Variants in ATP2B2 observed in about 807,000 individuals in gnomAD.
The protein encoded by ATP2B2 is ATPase plasma membrane Ca2+ transporting 2, also known as plasma membrane calcium-transporting ATPase 2.
ATP2B2 carries 15 observed loss-of-function variants against 120.0 expected under a neutral mutation model. The observed-to-expected ratio is 0.12, with a 90% CI of 0.08 to 0.19. The LOEUF (loss-of-function observed/expected upper bound fraction) is 0.19. Among genes scored for constraint, ATP2B2 ranks in the 10% least tolerant of loss-of-function variants. The probability of loss-of-function intolerance (pLI) is 1.00; values close to 1 mark genes in which losing one functional copy is unlikely to be tolerated. For synonymous variants in ATP2B2, 694 were observed against 700.3 expected, an observed-to-expected ratio of 0.99 and a Z score of 0.14; for missense variants, 1,045 against 1,719.8, an observed-to-expected ratio of 0.61 and a Z score of 6.94.
intron 2 of ATP2B2, among the ~76,000 whole-genome samples, chr3:10,578,037 C>T (rs1256355596): frequency 6.6e-6 from 1 of 152,168 alleles, no homozygotes; most frequent in Non-Finnish European, 1.5e-5. Flanking sequence ...CTTCAGTAAC[C>T]CTGTGATCTA....
intron 16 of ATP2B2, 60 bp downstream of exon 16, chr3:10,350,052 G>A (rs1467580925): frequency 6.5e-7 from 1 of 1,542,876 alleles, no homozygotes; most frequent in Non-Finnish European, 8.9e-7. Context: ...CAGGAGAGGA[G>A]GGCCCAGCTT....
intron 2 of ATP2B2, among the ~76,000 whole-genome samples, chr3:10,447,766 C>T (rs538036988): frequency 5.3e-5 from 8 of 152,290 alleles, no homozygotes; most frequent in Non-Finnish European, 5.9e-5. Context: ...CATTTTACGG[C>T]CACAAGCAGC....
chr3:10,590,351 T>C (rs901782748), intron 2 of ATP2B2, among the ~76,000 whole-genome samples: 2 of 152,238 alleles, frequency 1.3e-5, no homozygotes, highest in Non-Finnish European at 2.9e-5. Flanking sequence ...GTGGTAGTTA[T>C]ACAACTGTAT....
Position 10,462,593 on chromosome 3 carries a change from A to G in ATP2B2, c.-319-12731T>C, listed in dbSNP as rs370296352. ...CCCCATGAGGTAGGTATTATTATGCATATTTTACAGATGAGGAGACTGAGG... is the reference window on the plus strand; with the variant it reads ...CCCCATGAGGTAGGTATTATTATGCGTATTTTACAGATGAGGAGACTGAGG... On this transcript the variant is annotated intron_variant, in intron 1 of 22. Coordinates refer to ENST00000360273, the MANE Select transcript of ATP2B2 (RefSeq NM_001001331.4). Among the ~76,000 whole-genome samples, 4 of 152,350 alleles carry G rather than the reference A, an allele frequency of 2.6e-5. 1 individual carries two copies. Among genetic ancestry groups the G allele is most frequent in the African/African-American group, 9.6e-5 (4 of 41,576 alleles).
intron 14 of ATP2B2, 142 bp downstream of exon 14, chr3:10,358,549 T>G: frequency 1.1e-6 from 1 of 870,420 alleles, no homozygotes; most frequent in Non-Finnish European, 1.8e-6. Flanking sequence ...AATCCTCTTA[T>G]GAGGATCAAG....
chr3:10,544,264 C>T (rs2067498285), intron 2 of ATP2B2, among the ~76,000 whole-genome samples: 1 of 152,118 alleles, frequency 6.6e-6, no homozygotes, highest in African/African-American at 2.4e-5. Flanking sequence ...GGTGCAAAAC[C>T]AGTGCCACTC....
chr3:10,488,511 CTTCCTTCCTTCCTTCCTTCT>C (rs2065813837), intron 1 of ATP2B2, among the ~76,000 whole-genome samples: 2 of 75,714 alleles, frequency 2.6e-5, no homozygotes, highest in African/African-American at 8.7e-5. Flanking sequence ...TCCTTCGTTC[CTTCCTTCCTTCCTTCCTTCT>C]TTCCTTCCTT....
intron 2 of ATP2B2, among the ~76,000 whole-genome samples, chr3:10,412,920 G>C (rs531826075): frequency 6.6e-6 from 1 of 152,264 alleles, no homozygotes; most frequent in East Asian, 1.9e-4. Context: ...GACAGATGGG[G>C]GTGGACAGGG....
At chr3:10,473,956 G>C (rs908229027) in intron 1 of ATP2B2, among the ~76,000 whole-genome samples, 36 of 152,336 alleles carry the variant, frequency 2.4e-4, no homozygotes, top group African/African-American at 8.2e-4. Flanking sequence ...TTAGGTGATA[G>C]ATTAACGTAC....
chr3:10,386,189 G>A (rs2061673337), intron 7 of ATP2B2, among the ~76,000 whole-genome samples: 1 of 152,182 alleles, frequency 6.6e-6, no homozygotes, highest in Non-Finnish European at 1.5e-5. Flanking sequence ...TGGTGAGCAA[G>A]CTTTGCATGC....
At chr3:10,575,121 C>A (rs541439536) in intron 2 of ATP2B2, among the ~76,000 whole-genome samples, 3 of 152,232 alleles carry the variant, frequency 2.0e-5, no homozygotes, top group South Asian at 4.1e-4. Flanking sequence ...CCTTTCCGCC[C>A]GGGGGAGAAA....
chr3:10,619,599 G>A (rs552136698), intron 2 of ATP2B2, among the ~76,000 whole-genome samples: 5 of 152,330 alleles, frequency 3.3e-5, no homozygotes, highest in East Asian at 1.9e-4. Context: ...GTGGCAATGC[G>A]TAGGCTCTGC....
At chr3:10,650,313 G>A (rs1157659296) in intron 1 of ATP2B2, among the ~76,000 whole-genome samples, 1 of 152,194 alleles carries the variant, frequency 6.6e-6, no homozygotes, top group Non-Finnish European at 1.5e-5. Context: ...GTGGCATTTT[G>A]CCCCTGCCCT....
chr3:10,402,459 G>A lies in ATP2B2; in HGVS notation c.398-111C>T. 2.0e-6 allele frequency: 3 copies of A among 1,492,308 alleles called. No individual in the cohort carries two copies. In the South Asian group the frequency reaches 3.4e-5, roughly 17 times the overall value. 92.4% of individuals were successfully genotyped at this position (1,492,308 alleles called of 1,614,324 possible). On this transcript the variant is annotated intron_variant, in intron 3 of 22. Coordinates refer to ENST00000360273, the MANE Select transcript of ATP2B2 (RefSeq NM_001001331.4). The surrounding 1 kb of genome is among the most constrained non-coding windows in gnomAD (Gnocchi z 4.9). Reference sequence around the variant, plus strand: ...AAGTAACAAGTGTTAAGAATCAGATGATAATTATCCACTTACTCAGTGTGT... The same window carrying A: ...AAGTAACAAGTGTTAAGAATCAGATAATAATTATCCACTTACTCAGTGTGT...
chr3:10,385,384 C>T (rs2061646379), intron 7 of ATP2B2, 57 bp from the exon 8 acceptor site: 23 of 1,501,160 alleles, frequency 1.5e-5, no homozygotes, highest in South Asian at 4.5e-5. Flanking sequence ...AAAGCAACAA[C>T]GACAAAGACA....
At position 10,653,305 on chromosome 3, in the gene ATP2B2, C is replaced by T. The variant is rs551221549; in HGVS notation, c.-459-33344G>A. On this transcript the variant is annotated intron_variant, in intron 1 of 21. Transcript: ENST00000646379. ...GCCACTCTTATCTGCTGCAGCCCAT[C>T]ACCTCATCCTGGAAACATTGTTTCC... Among the ~76,000 whole-genome samples, 18 of 152,312 alleles carry T rather than the reference C, an allele frequency of 1.2e-4. No individual in the cohort carries two copies. In the South Asian group the frequency reaches 3.5e-3, roughly 30 times the overall value.
chr3:10,460,953 G>A (rs943191757), intron 1 of ATP2B2, among the ~76,000 whole-genome samples: 5 of 152,178 alleles, frequency 3.3e-5, no homozygotes, highest in African/African-American at 1.2e-4. Context: ...TCTAAGTTGG[G>A]ATATTACTTT....
intron 22 of ATP2B2, chr3:10,336,296 T>G (rs960572371): frequency 6.5e-7 from 1 of 1,550,378 alleles, no homozygotes; most frequent in Non-Finnish European, 8.7e-7. Flanking sequence ...ATTGACTACT[T>G]CAATCTGCAA....
chr3:10,458,377 C>T (rs781757800), intron 1 of ATP2B2, among the ~76,000 whole-genome samples: 3 of 152,174 alleles, frequency 2.0e-5, no homozygotes, highest in South Asian at 2.1e-4. Context: ...ACTTTTGGTT[C>T]GGGTTTTCCC....
Sources: allele counts gnomAD v4.1 joint callset (sites outside exome capture counted in the v4.1 genomes callset), GRCh38; gene constraint gnomAD v4.1.1; non-coding constraint Gnocchi (gnomAD v3.1); transcripts MANE v1.5; gene names NCBI Gene and HGNC (gene_info 2026-07-23, HGNC 2026-07-21).